ACAD10: variants seen among roughly 807,000 people sequenced by gnomAD.
The protein encoded by ACAD10 is ACAD-10.
In ACAD10, 112 loss-of-function variants were observed where a neutral mutation model predicts 116.8. That is an observed-to-expected ratio of 0.96 (90% CI 0.82 to 1.12). ACAD10 has a LOEUF of 1.12. ACAD10 is among the 50% of genes most tolerant of loss of function. The pLI, the probability that ACAD10 is intolerant of heterozygous loss-of-function variation, is 0.00. For missense variants in ACAD10, 1,259 were observed against 1,350.2 expected (o/e 0.93, Z 1.06); for synonymous variants, 486 against 510.6 (o/e 0.95, Z 0.65).
At position 111,756,580 on chromosome 12, in the gene ACAD10, C is replaced by T. The variant is rs2068086869; in HGVS notation, c.*107C>T. ...GTGTTTGTGGCTCCTGCACCCTGCTCAGCAGCTCTGTCCCGGGACAGTCAG... is the reference window on the plus strand; with the variant it reads ...GTGTTTGTGGCTCCTGCACCCTGCTTAGCAGCTCTGTCCCGGGACAGTCAG... On this transcript the variant is annotated 3_prime_UTR_variant, in exon 21 of 21. Transcript: ENST00000313698. 1.3e-6 allele frequency: 2 copies of T among 1,507,388 alleles called. No homozygotes were observed. Among genetic ancestry groups the T allele is most frequent in the Non-Finnish European group, 1.8e-6 (2 of 1,116,852 alleles). The allele number at this position is 1,507,388 out of a possible 1,614,324, so 93.4% of individuals were successfully genotyped here.
At chr12:111,744,491 A>G (rs369806477) in intron 12 of ACAD10, 152 bp from the exon 13 acceptor site, 2 of 881,618 alleles carry the variant, frequency 2.3e-6, no homozygotes, top group East Asian at 2.5e-5. Context: ...TTGGGGATTC[A>G]GTGAGCTATA....
intron 2 of ACAD10, among the ~76,000 whole-genome samples, chr12:111,697,572 G>A (rs1224844588): frequency 1.4e-5 from 2 of 143,970 alleles, no homozygotes; most frequent in African/African-American, 5.2e-5. Flanking sequence ...TGTTGACCAG[G>A]TTGGTCTCTC....
chr12:111,707,737 C>T (rs1400493564), intron 4 of ACAD10, among the ~76,000 whole-genome samples: 3 of 152,208 alleles, frequency 2.0e-5, no homozygotes, highest in East Asian at 1.9e-4. Flanking sequence ...CAGGAAGTGG[C>T]ATATTACCTT....
intron 12 of ACAD10, among the ~76,000 whole-genome samples, chr12:111,742,640 G>A (rs1301354910): frequency 6.6e-6 from 1 of 152,142 alleles, no homozygotes; most frequent in Non-Finnish European, 1.5e-5. Flanking sequence ...CAGGAGGATT[G>A]TTTGAGGCCA....
intron 2 of ACAD10, among the ~76,000 whole-genome samples, chr12:111,694,311 CAG>C (rs1888135680): frequency 6.6e-6 from 1 of 152,158 alleles, no homozygotes; most frequent in African/African-American, 2.4e-5. Context: ...ATGTTTACCT[CAG>C]GGGCTGTTCC....
Position 111,729,904 on chromosome 12 carries a change from C to T in ACAD10, c.1342C>T (p.Pro448Ser). Residue 448 changes from proline (P) to serine (S), a missense_variant, in exon 10 of 21, where the codon CCC becomes TCC. Physicochemically the swap from Pro to Ser is moderately conservative, Grantham distance 74. Coordinates refer to ENST00000313698, the MANE Select transcript of ACAD10 (RefSeq NM_025247.6). ...PAMERLIEWL[P>S]LHLPRQQRTT... ...CATGGAGAGGCTGATCGAATGGCTG[C>T]CCCTCCATCTTCCCCGTCAGCAGAG... The T allele has an allele frequency of 1.9e-6, 3 of 1,614,130 alleles. No homozygotes were observed. The highest frequency in any genetic ancestry group is 2.5e-6 in the Non-Finnish European group (3 of 1,180,032).
At chr12:111,723,093 G>A (rs1416789843) in intron 8 of ACAD10, among the ~76,000 whole-genome samples, 9 of 145,938 alleles carry the variant, frequency 6.2e-5, no homozygotes, top group South Asian at 2.2e-4. Flanking sequence ...AGGGGCGGCC[G>A]GGCAGAGGCG....
At chr12:111,717,174 T>C (rs758483684) in intron 7 of ACAD10, among the ~76,000 whole-genome samples, 11 of 152,026 alleles carry the variant, frequency 7.2e-5, no homozygotes, top group South Asian at 2.1e-4. Flanking sequence ...CTGGGCAACA[T>C]GGTGAAACCC....
chr12:111,691,177 C>T (rs958165577), intron 1 of ACAD10: 4 of 152,052 alleles, frequency 2.6e-5, no homozygotes, highest in African/African-American at 9.7e-5. Context: ...AGGTATGCAT[C>T]TGTATACGTG....
At chr12:111,753,950 C>A in intron 19 of ACAD10, 35 bp downstream of exon 19, 1 of 1,566,690 alleles carries the variant, frequency 6.4e-7, no homozygotes, top group Non-Finnish European at 8.7e-7. Flanking sequence ...CTCCCAGAGG[C>A]AGAGATTCTT....
rs779372518 is a variant in ACAD10 at position 111,692,874 on chromosome 12, T to C, written c.165T>C (p.Pro55=). Reference sequence around the variant, plus strand: ...TCGACATGGGCGGAGTTCTCATTCCTTCTCCAGGGAGAGTCGCTGCAGGTG... The same window carrying C: ...TCGACATGGGCGGAGTTCTCATTCCCTCTCCAGGGAGAGTCGCTGCAGGTG... ...VIFDMGGVLI[P]SPGRVAAEWE... is the part of the protein sequence containing the mutation. Residue 55 remains proline (P), a synonymous_variant, in exon 2 of 21, where the codon CCT becomes CCC. Coordinates refer to ENST00000313698, the MANE Select transcript of ACAD10 (RefSeq NM_025247.6). The C allele has an allele frequency of 1.6e-5, 26 of 1,614,032 alleles. No individual in the cohort carries two copies. Among genetic ancestry groups the C allele is most frequent in the Admixed American group, 6.7e-5 (4 of 59,990 alleles).
intron 2 of ACAD10, among the ~76,000 whole-genome samples, chr12:111,693,368 G>A (rs914527635): frequency 1.3e-5 from 2 of 152,010 alleles, no homozygotes; most frequent in East Asian, 1.9e-4. Context: ...GTGAGACCCC[G>A]TATCTGCAGA....
chr12:111,712,643 G>C lies in ACAD10; in HGVS notation c.836G>C (p.Gly279Ala), dbSNP rs779538803. ...SLQKYLKDLL[G>A]IQTTGPLELL... ...CAGAAGTACCTCAAAGACTTACTGG[G>C]TATCCAGACCACAGGTATGTGGGCT... The change falls in exon 6 of 21, where the codon GGT (glycine) becomes GCT (alanine). Residue 279 changes from glycine to alanine, a missense_variant. Coordinates refer to ENST00000313698, the MANE Select transcript of ACAD10 (RefSeq NM_025247.6). 4 of 1,614,078 alleles carry C rather than the reference G, an allele frequency of 2.5e-6. No homozygotes were observed. The highest frequency in any genetic ancestry group is 3.4e-6 in the Non-Finnish European group (4 of 1,180,004).
chr12:111,688,223 G>A (rs1329600574), intron 1 of ACAD10: 3 of 152,180 alleles, frequency 2.0e-5, no homozygotes, highest in Admixed American at 2.0e-4. Flanking sequence ...AAGTGTGTAA[G>A]TAAATTTCTC....
chr12:111,699,976 C>T (rs973956941), intron 2 of ACAD10, among the ~76,000 whole-genome samples: 2 of 152,010 alleles, frequency 1.3e-5, no homozygotes, highest in African/African-American at 4.8e-5. Context: ...TCAGTCACAA[C>T]TATTCACTTC....
intron 5 of ACAD10, among the ~76,000 whole-genome samples, chr12:111,712,134 C>T (rs965081458): frequency 5.3e-5 from 8 of 152,152 alleles, no homozygotes; most frequent in Non-Finnish European, 1.2e-4. Context: ...AGGATGGATG[C>T]GTCAGCTTAT....
chr12:111,704,949 A>C (rs1888457490), intron 3 of ACAD10, among the ~76,000 whole-genome samples: 1 of 151,858 alleles, frequency 6.6e-6, no homozygotes, highest in Non-Finnish European at 1.5e-5. Flanking sequence ...AGCCTCCCAA[A>C]GTGCTGGGAT....
intron 2 of ACAD10, among the ~76,000 whole-genome samples, chr12:111,699,144 CAA>C (rs1433353397): frequency 6.6e-6 from 1 of 152,194 alleles, no homozygotes; most frequent in Non-Finnish European, 1.5e-5. Flanking sequence ...CTCTGCCTCC[CAA>C]AGTGCTGGGA....
intron 2 of ACAD10, among the ~76,000 whole-genome samples, chr12:111,697,576 G>GTC (rs1283825165): frequency 1.4e-5 from 2 of 141,546 alleles, no homozygotes; most frequent in Admixed American, 1.5e-4. Context: ...GACCAGGTTG[G>GTC]TCTCTCTCTT....
Sources: gnomAD v4.1 joint callset for allele counts (sites outside exome capture counted in the v4.1 genomes callset) on GRCh38, gnomAD v4.1.1 for gene constraint, MANE v1.5 for transcripts, NCBI Gene and HGNC (gene_info 2026-07-23, HGNC 2026-07-21) for gene names.